Variants in ZNF608 observed in about 807,000 individuals in gnomAD.
ZNF608 encodes renal carcinoma antigen NY-REN-36.
In ZNF608, 12 loss-of-function variants were observed where a neutral mutation model predicts 109.0. The observed-to-expected ratio is 0.11, with a 90% CI of 0.07 to 0.18. ZNF608 has a LOEUF of 0.18. ZNF608 is among the 10% of genes least tolerant of loss of function. The pLI is 1.00. For synonymous variants in ZNF608, 732 were observed against 717.4 expected (o/e 1.02, Z -0.33); for missense variants, 1,707 against 1,879.3 (o/e 0.91, Z 1.70).
intron 2 of ZNF608, among the ~76,000 whole-genome samples, chr5:124,742,941 G>A (rs1749474905): frequency 6.6e-6 from 1 of 152,116 alleles, no homozygotes; most frequent in African/African-American, 2.4e-5. Context: ...ATGACAGAAA[G>A]CTTGCTTCTG....
chr5:124,687,616 G>T (rs898036069), intron 3 of ZNF608, among the ~76,000 whole-genome samples: 2 of 152,128 alleles, frequency 1.3e-5, no homozygotes, highest in Non-Finnish European at 2.9e-5. Flanking sequence ...GGTTATGTCA[G>T]ACTTCGCTAG....
rs544042449 is a variant in ZNF608, at chr5:124,649,777, C to CT, written c.1163-81dup. 5.1e-4 allele frequency: 445 copies of CT among 877,492 alleles called. 4 individuals are homozygous for CT. Among genetic ancestry groups the CT allele is most frequent in the South Asian group, 3.8e-3 (172 of 45,036 alleles). 54.4% of individuals were successfully genotyped at this position (877,492 alleles called of 1,614,324 possible). On this transcript the variant is annotated intron_variant, in intron 3 of 9. Coordinates refer to ENST00000513986, the MANE Select transcript of ZNF608 (RefSeq NM_020747.3). The stretch of plus-strand genomic sequence containing the variant: ...TCCAGTTCACTTATTATTTTTTTCT[C>CT]TTTTTTTTGCCAGCAAGTTCTATTC...
At position 124,663,111 on chromosome 5, in the gene ZNF608, C is replaced by G. The variant is rs935429721; in HGVS notation, c.1163-13414G>C. Among the ~76,000 whole-genome samples, 99 of 152,186 alleles carry G rather than the reference C, an allele frequency of 6.5e-4. 2 individuals are homozygous for G. Among genetic ancestry groups the G allele is most frequent in the African/African-American group, 2.3e-3 (97 of 41,444 alleles). ...TCTTTTTCAGTGGAAACTAGTAGCT[C>G]TATTTGTGAGCAGCCAGCAACAGAC... is the stretch of plus-strand genomic sequence containing the variant. On this transcript the variant is annotated intron_variant, in intron 3 of 9. Coordinates refer to ENST00000513986, the MANE Select transcript of ZNF608 (RefSeq NM_020747.3).
chr5:124,740,727 A>G (rs562412860), intron 2 of ZNF608, among the ~76,000 whole-genome samples: 1 of 152,318 alleles, frequency 6.6e-6, no homozygotes, highest in South Asian at 2.1e-4. Flanking sequence ...GCAATATGAT[A>G]TTACAGAAAT....
intron 2 of ZNF608, among the ~76,000 whole-genome samples, chr5:124,726,571 C>G (rs1334336805): frequency 6.6e-6 from 1 of 151,770 alleles, no homozygotes; most frequent in Non-Finnish European, 1.5e-5. Flanking sequence ...TCACCAGGAC[C>G]ACTGAAAAAG....
At chr5:124,661,670 T>C (rs1249402544) in intron 3 of ZNF608, among the ~76,000 whole-genome samples, 2 of 152,198 alleles carry the variant, frequency 1.3e-5, no homozygotes, top group East Asian at 3.8e-4. Flanking sequence ...AGAACAAAAC[T>C]TAGCTGGTTA....
rs1255560866 is a variant in ZNF608 at position 124,674,971 on chromosome 5, G to T, written c.1163-25274C>A. 2.0e-5 allele frequency among the ~76,000 whole-genome samples: 3 copies of T among 152,154 alleles called. 1 individual carries two copies. Among genetic ancestry groups the T allele is most frequent in the Middle Eastern group, 6.8e-3 (2 of 294 alleles). ...AAGAATGGGCCTAATCGATTCTAAG[G>T]TTAATCAAAAGTATTTAAACAACTT... is the stretch of plus-strand genomic sequence containing the variant. On this transcript the variant is annotated intron_variant, in intron 3 of 9. Coordinates refer to ENST00000513986, the MANE Select transcript of ZNF608 (RefSeq NM_020747.3).
intron 3 of ZNF608, among the ~76,000 whole-genome samples, chr5:124,686,422 G>A (rs1418671290): frequency 6.6e-6 from 1 of 152,212 alleles, no homozygotes; most frequent in East Asian, 1.9e-4. Context: ...TGAACTGAAA[G>A]TGACTCTCAC....
intron 3 of ZNF608, among the ~76,000 whole-genome samples, chr5:124,685,556 A>G (rs1225057255): frequency 6.6e-6 from 1 of 151,930 alleles, no homozygotes; most frequent in East Asian, 1.9e-4. Context: ...CCCTTGGGTA[A>G]AGTGTAGTGT....
chr5:124,664,944 G>C (rs1425194040), intron 3 of ZNF608, among the ~76,000 whole-genome samples: 2 of 152,108 alleles, frequency 1.3e-5, no homozygotes, highest in Non-Finnish European at 2.9e-5. Flanking sequence ...GGGAGGCTGA[G>C]GTGGATGGAT....
chr5:124,725,295 T>C (rs1414742328), intron 2 of ZNF608, among the ~76,000 whole-genome samples: 1 of 152,010 alleles, frequency 6.6e-6, no homozygotes, highest in East Asian at 1.9e-4. Flanking sequence ...TTTATTTGTC[T>C]GGAATAAATT....
intron 2 of ZNF608, among the ~76,000 whole-genome samples, chr5:124,715,648 T>C (rs1039008966): frequency 7.9e-5 from 12 of 152,208 alleles, no homozygotes; most frequent in African/African-American, 2.9e-4. Context: ...ACACACTTCA[T>C]AAAGCTCATA....
chr5:124,652,545 G>A (rs917241760), intron 3 of ZNF608, among the ~76,000 whole-genome samples: 1 of 152,106 alleles, frequency 6.6e-6, no homozygotes. Flanking sequence ...AATATATACA[G>A]GCACATGTTT....
At chr5:124,638,909 A>G in intron 9 of ZNF608, 1 of 883,358 alleles carries the variant, frequency 1.1e-6, no homozygotes, top group Non-Finnish European at 1.6e-6. Context: ...CAACTGTCTA[A>G]AAAACTAATC....
chr5:124,644,174 T>C, intron 6 of ZNF608, 70 bp downstream of exon 6: 1 of 1,374,322 alleles, frequency 7.3e-7, no homozygotes, highest in Non-Finnish European at 9.8e-7. Context: ...TAATTTATCT[T>C]GAGTTTTTAA....
intron 3 of ZNF608, among the ~76,000 whole-genome samples, chr5:124,694,776 T>C (rs1165372852): frequency 6.9e-6 from 1 of 145,148 alleles, no homozygotes; most frequent in Non-Finnish European, 1.5e-5. Context: ...TGTGTCCAAG[T>C]GTCCTCATTG....
At chr5:124,658,888 A>G (rs1209961348) in intron 3 of ZNF608, among the ~76,000 whole-genome samples, 1 of 152,214 alleles carries the variant, frequency 6.6e-6, no homozygotes, top group African/African-American at 2.4e-5. Context: ...AACTAGGCCT[A>G]CTATGAGCCA....
chr5:124,685,639 C>T (rs1156861310), intron 3 of ZNF608, among the ~76,000 whole-genome samples: 3 of 150,668 alleles, frequency 2.0e-5, no homozygotes, highest in Admixed American at 2.0e-4. Context: ...AAAACAACAA[C>T]AGCAACTTAT....
chr5:124,690,953 AC>A (rs1752599678), intron 3 of ZNF608, among the ~76,000 whole-genome samples: 11 of 150,754 alleles, frequency 7.3e-5, no homozygotes, highest in Non-Finnish European at 1.0e-4. Context: ...ACACACACAC[AC>A]ATAATGGAAA....
Sources: allele counts gnomAD v4.1 joint callset (sites outside exome capture counted in the v4.1 genomes callset), GRCh38; gene constraint gnomAD v4.1.1; transcripts MANE v1.5; gene names NCBI Gene and HGNC (gene_info 2026-07-23, HGNC 2026-07-21).